Variants in BLTP1 observed in about 807,000 individuals in gnomAD.
BLTP1 encodes the protein fragile site-associated protein.
the BLTP1 span, chr4:122,270,283 T>G: frequency 1.2e-6 from 1 of 852,812 alleles, no homozygotes; most frequent in Non-Finnish European, 1.4e-6. Context: ...TTTTTTCTTT[T>G]TGTTACAGAA....
the BLTP1 span, among the ~76,000 whole-genome samples, chr4:122,302,534 A>G: frequency 6.6e-6 from 1 of 152,300 alleles, no homozygotes; most frequent in Non-Finnish European, 1.5e-5. Context: ...GAGCTGCACC[A>G]ATGTAGGATA....
At chr4:122,313,484 C>T in the BLTP1 span, 1 of 445,036 alleles carries the variant, frequency 2.2e-6, no homozygotes, top group Non-Finnish European at 3.9e-6. Context: ...CCCTTTCATT[C>T]CAAAGATTAA....
the BLTP1 span, among the ~76,000 whole-genome samples, chr4:122,342,420 A>C: frequency 6.6e-6 from 1 of 151,984 alleles, no homozygotes; most frequent in South Asian, 2.1e-4. Context: ...TAGTGGCGCC[A>C]TCTCAGCTCA....
the BLTP1 span, among the ~76,000 whole-genome samples, chr4:122,167,042 T>C: frequency 6.6e-6 from 1 of 152,216 alleles, no homozygotes; most frequent in Non-Finnish European, 1.5e-5. Flanking sequence ...TCAGCCACTT[T>C]TGCAAGGGGC....
the BLTP1 span, chr4:122,282,066 T>G: frequency 1.0e-6 from 1 of 979,978 alleles, no homozygotes; most frequent in Non-Finnish European, 1.2e-6. Context: ...CTACATCTAT[T>G]AAGTTTTTAA....
the BLTP1 span, among the ~76,000 whole-genome samples, chr4:122,332,780 C>T: frequency 5.1e-5 from 6 of 118,290 alleles, no homozygotes; most frequent in African/African-American, 1.3e-4. Flanking sequence ...ATCCCTCCCC[C>T]CTCCCCCCAC....
chr4:122,355,995 G>A, the BLTP1 span: 1 of 1,572,334 alleles, frequency 6.4e-7, no homozygotes, highest in Non-Finnish European at 8.7e-7. Flanking sequence ...TACAGGGTAT[G>A]TAGAAAAACA....
At chr4:122,339,494 T>G in the BLTP1 span, 1 of 915,876 alleles carries the variant, frequency 1.1e-6, no homozygotes, top group Non-Finnish European at 1.5e-6. Context: ...ATACATATTT[T>G]AAAATATATT....
chr4:122,263,403 A>T, the BLTP1 span: 1 of 1,521,180 alleles, frequency 6.6e-7, no homozygotes, highest in Admixed American at 2.3e-5. Context: ...GCTCCTTAGT[A>T]TATAAATAAT....
the BLTP1 span, among the ~76,000 whole-genome samples, chr4:122,338,144 G>T: frequency 7.1e-6 from 1 of 139,954 alleles, no homozygotes; most frequent in South Asian, 2.4e-4. Context: ...ATGAATGAGG[G>T]TTTGAGGGTT....
the BLTP1 span, chr4:122,345,107 G>C: frequency 7.7e-5 from 63 of 815,402 alleles, no homozygotes; most frequent in African/African-American, 1.1e-3. Flanking sequence ...AAATAAATAT[G>C]GTATGTTCAC....
At chr4:122,173,191 A>G in the BLTP1 span, 5 of 1,592,932 alleles carry the variant, frequency 3.1e-6, no homozygotes, top group African/African-American at 1.4e-5. Flanking sequence ...TCTTCCTTAT[A>G]ATCTTGAGAT....
chr4:122,232,895 A>C, the BLTP1 span, among the ~76,000 whole-genome samples: 1 of 152,096 alleles, frequency 6.6e-6, no homozygotes, highest in Admixed American at 6.5e-5. Context: ...CCACATGGTA[A>C]CTCACTGACC....
the BLTP1 span, among the ~76,000 whole-genome samples, chr4:122,295,444 T>A: frequency 6.6e-6 from 1 of 151,886 alleles, no homozygotes; most frequent in South Asian, 2.1e-4. Flanking sequence ...CCAGAAAACA[T>A]TGGGGGCCAA....
chr4:122,269,815 G>C, the BLTP1 span: 1 of 397,870 alleles, frequency 2.5e-6, no homozygotes, highest in Admixed American at 6.4e-5. Flanking sequence ...TCTCTTTGCT[G>C]TCTCTAGTAA....
chr4:122,178,666 A>G, the BLTP1 span, among the ~76,000 whole-genome samples: 1 of 152,148 alleles, frequency 6.6e-6, no homozygotes, highest in Non-Finnish European at 1.5e-5. Flanking sequence ...CCTCCTCAAC[A>G]TTCCTTATCC....
At chr4:122,251,701 A>G in the BLTP1 span, 1 of 619,034 alleles carries the variant, frequency 1.6e-6, no homozygotes, top group East Asian at 1.4e-4. Flanking sequence ...AAGCCCTTGA[A>G]TTGGCTAACA....
chr4:122,187,775 C>A, the BLTP1 span: 6 of 1,179,556 alleles, frequency 5.1e-6, no homozygotes, highest in Non-Finnish European at 6.9e-6. Flanking sequence ...GCACATAGTC[C>A]TAAAGTGGAA....
At chr4:122,220,353 T>C in the BLTP1 span, 1 of 1,613,418 alleles carries the variant, frequency 6.2e-7, no homozygotes, top group Non-Finnish European at 8.5e-7. Flanking sequence ...CTGATGGTCC[T>C]GAATGCCCTA....
Sources: gnomAD v4.1 joint callset for allele counts (sites outside exome capture counted in the v4.1 genomes callset) on GRCh38, gnomAD v4.1.1 for gene constraint, MANE v1.5 for transcripts, NCBI Gene and HGNC (gene_info 2026-07-23, HGNC 2026-07-21) for gene names.